Variants in ATRX observed in about 807,000 individuals in gnomAD.
ATRX encodes ATRX chromatin remodeler, also known as chromatin remodeler ATRX.
In ATRX, 12 loss-of-function variants were observed where a neutral mutation model predicts 172.6. The observed-to-expected ratio is 0.07, with a 90% CI of 0.04 to 0.11. The LOEUF is 0.11. ATRX is among the 10% of genes least tolerant of loss of function. The pLI is 1.00. For missense variants in ATRX, 1,368 were observed against 1,767.4 expected (o/e 0.77, Z 4.05); for synonymous variants, 674 against 594.7 (o/e 1.13, Z -1.94).
chrX:77,677,083 C>T (rs917522937), intron 9 of ATRX, among the ~76,000 whole-genome samples: 1 of 106,291 alleles, frequency 9.4e-6, no homozygotes, highest in Non-Finnish European at 1.9e-5. Flanking sequence ...GATCGCACCA[C>T]GGCACTCCAG....
chrX:77,656,433 A>T, intron 13 of ATRX, 127 bp downstream of exon 13: 1 of 522,271 alleles, frequency 1.9e-6, no homozygotes, highest in Non-Finnish European at 3.3e-6. Flanking sequence ...TATAACAATT[A>T]GTTTCAAATC....
intron 30 of ATRX, among the ~76,000 whole-genome samples, chrX:77,528,104 C>T (rs1043627455): frequency 3.4e-4 from 37 of 110,051 alleles, no homozygotes; most frequent in African/African-American, 1.1e-3. Context: ...CCAGCCTCCC[C>T]GTTGTGGAGA....
chrX:77,541,735 G>A (rs1282931908), intron 30 of ATRX, among the ~76,000 whole-genome samples: 2 of 111,937 alleles, frequency 1.8e-5, no homozygotes, highest in African/African-American at 6.5e-5. Context: ...TATCTCAATA[G>A]ATGCAGAAAA....
At chrX:77,689,478 C>A (rs1225875207) in intron 6 of ATRX, among the ~76,000 whole-genome samples, 1 of 111,744 alleles carries the variant, frequency 8.9e-6, no homozygotes, top group East Asian at 2.8e-4. Flanking sequence ...CATTAAACTG[C>A]CTTTTTTCTA....
intron 1 of ATRX, among the ~76,000 whole-genome samples, chrX:77,758,311 A>T (rs1557191232): frequency 9.3e-6 from 1 of 107,168 alleles, no homozygotes; most frequent in African/African-American, 3.4e-5. Flanking sequence ...AATCGCTTGA[A>T]CCCGGGACAC....
intron 1 of ATRX, among the ~76,000 whole-genome samples, chrX:77,766,956 G>A (rs1348407047): frequency 9.0e-6 from 1 of 110,731 alleles, no homozygotes; most frequent in Non-Finnish European, 1.9e-5. Context: ...ACGAGACTCC[G>A]TCTGCAATCC....
At chrX:77,691,598 T>A (rs1017196183) in intron 6 of ATRX, among the ~76,000 whole-genome samples, 90 of 111,615 alleles carry the variant, frequency 8.1e-4, no homozygotes, top group African/African-American at 2.9e-3. Flanking sequence ...ATGTTAACTT[T>A]AACCGTATCT....
At position 77,663,569 on chromosome X, in the gene ATRX, G is replaced by A. The variant is rs2148490415; in HGVS notation, c.3944-11C>T. ...CTTGATTTTTTGCTTCTAAATGAAGGAAATAAATCAATAAAACCTTCTTCA... is the reference window on the plus strand; with the variant it reads ...CTTGATTTTTTGCTTCTAAATGAAGAAAATAAATCAATAAAACCTTCTTCA... On this transcript the variant is annotated splice_polypyrimidine_tract_variant and intron_variant, in intron 11 of 34. Coordinates refer to ENST00000373344, the MANE Select transcript of ATRX (RefSeq NM_000489.6). The A allele has an allele frequency of 8.4e-7, 1 of 1,191,912 alleles. No homozygotes were observed. The highest frequency in any genetic ancestry group is 1.1e-6 in the Non-Finnish European group (1 of 880,599).
intron 1 of ATRX, among the ~76,000 whole-genome samples, chrX:77,729,158 G>A (rs1312857382): frequency 1.0e-5 from 1 of 99,071 alleles, no homozygotes; most frequent in Non-Finnish European, 2.0e-5. Flanking sequence ...ATCAATTAAA[G>A]TGTATAATAA....
chrX:77,688,763 A>G, intron 7 of ATRX, 55 bp downstream of exon 7: 1 of 995,773 alleles, frequency 1.0e-6, no homozygotes, highest in South Asian at 1.9e-5. Flanking sequence ...AAGGCCTGGT[A>G]TATGGTAAGC....
chrX:77,736,473 C>T (rs1380023370), intron 1 of ATRX, among the ~76,000 whole-genome samples: 1 of 112,400 alleles, frequency 8.9e-6, no homozygotes, highest in East Asian at 2.8e-4. Context: ...AAGCATTCTA[C>T]ATCACTGATC....
chrX:77,609,153 A>G (rs782439329), intron 22 of ATRX, among the ~76,000 whole-genome samples: 125 of 111,776 alleles, frequency 1.1e-3, no homozygotes, highest in Non-Finnish European at 2.2e-3. Flanking sequence ...AATTAGTACA[A>G]CCACTATGGA....
intron 26 of ATRX, among the ~76,000 whole-genome samples, chrX:77,592,533 C>T (rs782095752): frequency 9.0e-6 from 1 of 111,006 alleles, no homozygotes; most frequent in East Asian, 2.8e-4. Flanking sequence ...TTTTTGGAGG[C>T]CGGGCGTGGT....
chrX:77,554,444 C>G (rs1557057976), intron 30 of ATRX, among the ~76,000 whole-genome samples: 1 of 112,032 alleles, frequency 8.9e-6, no homozygotes, highest in East Asian at 2.8e-4. Flanking sequence ...AGCCCAGATT[C>G]ATCATACAAC....
At chrX:77,654,675 G>T (rs1395989638) in intron 13 of ATRX, among the ~76,000 whole-genome samples, 3 of 111,926 alleles carry the variant, frequency 2.7e-5, no homozygotes, top group Non-Finnish European at 5.7e-5. Flanking sequence ...CAGTAAGGAT[G>T]TGGAGAAAGT....
chrX:77,708,389 AG>A lies in ATRX; in HGVS notation c.133+8741del, dbSNP rs200779616. 6.7e-4 allele frequency among the ~76,000 whole-genome samples: 75 copies of A among 112,581 alleles called. 1 individual carries two copies. In the East Asian group the frequency reaches 0.018, roughly 28 times the overall value. ...CAAAATAGGGAAATAGGCCAGGCGC[AG>A]TGGCTCACGCCTGCAATCCCAGGAC... On this transcript the variant is annotated intron_variant, in intron 2 of 34. Transcript: ENST00000373344.
intron 10 of ATRX, chrX:77,674,068 C>T (rs1252774699): frequency 9.0e-6 from 1 of 111,103 alleles, no homozygotes; most frequent in Non-Finnish European, 1.9e-5. Flanking sequence ...AAAGACAAAG[C>T]ATATAAGATT....
chrX:77,592,093 T>A (rs868962633), intron 26 of ATRX, among the ~76,000 whole-genome samples: 14 of 111,868 alleles, frequency 1.3e-4, no homozygotes, highest in Middle Eastern at 4.2e-3. Context: ...ATTATTTTAT[T>A]TTAGCCTTAT....
chrX:77,703,775 G>A (rs1557155311), intron 2 of ATRX, among the ~76,000 whole-genome samples: 3 of 112,117 alleles, frequency 2.7e-5, no homozygotes, highest in Non-Finnish European at 5.6e-5. Flanking sequence ...GCAAGATAAA[G>A]AGGGGCTTTA....
Sources: allele counts gnomAD v4.1 joint callset (sites outside exome capture counted in the v4.1 genomes callset), GRCh38; gene constraint gnomAD v4.1.1; transcripts MANE v1.5; gene names NCBI Gene and HGNC (gene_info 2026-07-23, HGNC 2026-07-21).